Variants in USP53 observed in about 807,000 individuals in gnomAD.
The protein encoded by USP53 is ubiquitin carboxyl-terminal hydrolase 53.
USP53 carries 71 observed loss-of-function variants against 94.9 expected under a neutral mutation model. The ratio of observed to expected loss-of-function variants is 0.75; its 90% CI spans 0.62 to 0.91. The LOEUF is 0.91. Among genes scored for constraint, USP53 ranks in the 40% least tolerant of loss-of-function variants. The pLI, the probability that USP53 is intolerant of heterozygous loss-of-function variation, is 0.00. For synonymous variants in USP53, 375 were observed against 422.7 expected, an observed-to-expected ratio of 0.89 and a Z score of 1.39; for missense variants, 1,173 against 1,281.0, an observed-to-expected ratio of 0.92 and a Z score of 1.29.
At chr4:119,219,103 C>CA (rs1744175967) in intron 3 of USP53, 1 of 151,964 alleles carries the variant, frequency 6.6e-6, no homozygotes, top group Admixed American at 6.6e-5. Context: ...GTTTGATAAT[C>CA]AAAAAAATCC....
At chr4:119,253,445 T>C (rs866193852) in intron 7 of USP53, among the ~76,000 whole-genome samples, 5 of 152,236 alleles carry the variant, frequency 3.3e-5, no homozygotes, top group Middle Eastern at 3.2e-3. Context: ...CTCTTCTTAT[T>C]GAATTGATCC....
chr4:119,283,569 A>G (rs536265904), intron 17 of USP53, among the ~76,000 whole-genome samples: 18 of 151,920 alleles, frequency 1.2e-4, no homozygotes, highest in Non-Finnish European at 2.2e-4. Flanking sequence ...AGTTGGGGGC[A>G]GTACCAATGT....
chr4:119,238,626 A>G (rs1032951260), intron 4 of USP53, among the ~76,000 whole-genome samples: 1 of 152,212 alleles, frequency 6.6e-6, no homozygotes, highest in Non-Finnish European at 1.5e-5. Flanking sequence ...GTTGACACAC[A>G]CCTTCAGTTT....
chr4:119,252,065 G>A (rs894612519), intron 7 of USP53, among the ~76,000 whole-genome samples: 3 of 152,170 alleles, frequency 2.0e-5, no homozygotes, highest in African/African-American at 7.2e-5. Context: ...AACCAGCCTT[G>A]CATCAGAGGG....
chr4:119,215,829 TAAAC>T (rs1450139309), intron 2 of USP53, among the ~76,000 whole-genome samples: 1 of 152,206 alleles, frequency 6.6e-6, no homozygotes, highest in African/African-American at 2.4e-5. Context: ...TTCTGCAAAA[TAAAC>T]CTTATTCCAA....
rs141864107 is a variant in USP53 at position 119,216,661 on chromosome 4, A to G, written c.-788-889A>G. The stretch of plus-strand genomic sequence containing the variant: ...ATAAATTAGGTTTTTCATATGCTAG[A>G]TATTCTTAAACTAGGATAGCTCCGT... On this transcript the variant is annotated intron_variant, in intron 2 of 18. Transcript: ENST00000692078. 1.8e-3 allele frequency among the ~76,000 whole-genome samples: 274 copies of G among 152,330 alleles called. 2 individuals are homozygous for G. Among genetic ancestry groups the G allele is most frequent in the East Asian group, 7.3e-3 (38 of 5,192 alleles).
At chr4:119,242,040 C>T (rs1287583808) in intron 5 of USP53, among the ~76,000 whole-genome samples, 1 of 152,164 alleles carries the variant, frequency 6.6e-6, no homozygotes, top group Non-Finnish European at 1.5e-5. Context: ...TTGTAGTTTT[C>T]ACTTTGAGAA....
At position 119,256,466 on chromosome 4, in the gene USP53, C is replaced by T. The variant is rs545426500; in HGVS notation, c.512C>T (p.Ser171Leu). The change falls in exon 9 of 19, where the codon TCG (serine) becomes TTG (leucine). Residue 171 changes from serine (S) to leucine (L), a missense_variant. Coordinates refer to ENST00000692078, the MANE Select transcript of USP53 (RefSeq NM_001371395.1). ...TGTGTGTGTCGTAGCTGTGGAGCAT[C>T]GTCAGATCCTCTACCTTTTACAGAA... ...EQCVCRSCGA[S>L]SDPLPFTEFV... 18 of 1,614,060 alleles carry T rather than the reference C, an allele frequency of 1.1e-5. No homozygotes were observed. The highest frequency in any genetic ancestry group is 2.2e-5 in the South Asian group (2 of 91,078).
intron 17 of USP53, among the ~76,000 whole-genome samples, chr4:119,276,423 C>T (rs930012841): frequency 6.6e-6 from 1 of 151,048 alleles, no homozygotes; most frequent in African/African-American, 2.4e-5. Context: ...GTGTATTGAA[C>T]CAGCCTTGCA....
At chr4:119,260,936 G>A (rs1228218713) in intron 11 of USP53, among the ~76,000 whole-genome samples, 1 of 141,492 alleles carries the variant, frequency 7.1e-6, no homozygotes, top group Non-Finnish European at 1.5e-5. Flanking sequence ...TTCATCTAAA[G>A]CACTGATCTC....
chr4:119,281,127 A>C (rs1561339726), intron 17 of USP53, among the ~76,000 whole-genome samples: 1 of 152,216 alleles, frequency 6.6e-6, no homozygotes, highest in Non-Finnish European at 1.5e-5. Context: ...ATTATAGGCG[A>C]TTTGTTAGCA....
At chr4:119,291,853 T>C (rs577543397) in intron 18 of USP53, among the ~76,000 whole-genome samples, 2 of 152,054 alleles carry the variant, frequency 1.3e-5, no homozygotes, top group African/African-American at 2.4e-5. Flanking sequence ...CCCTCAAATA[T>C]AATATAAATA....
At chr4:119,290,872 G>T (rs1754675484) in intron 17 of USP53, among the ~76,000 whole-genome samples, 1 of 152,082 alleles carries the variant, frequency 6.6e-6, no homozygotes, top group South Asian at 2.1e-4. Flanking sequence ...CTTGTCTTAA[G>T]TAACAGGGAA....
chr4:119,269,102 CT>C (rs2149411236), intron 14 of USP53, among the ~76,000 whole-genome samples: 1 of 152,234 alleles, frequency 6.6e-6, no homozygotes, highest in South Asian at 2.1e-4. Flanking sequence ...AAAATAAAGG[CT>C]TTTTAAAAAT....
intron 3 of USP53, among the ~76,000 whole-genome samples, chr4:119,224,953 C>T (rs568932160): frequency 6.6e-6 from 1 of 151,930 alleles, no homozygotes; most frequent in East Asian, 1.9e-4. Context: ...TAATAGAGTT[C>T]TGGAAACCAA....
chr4:119,280,231 T>G (rs575922213), intron 17 of USP53, among the ~76,000 whole-genome samples: 1 of 152,276 alleles, frequency 6.6e-6, no homozygotes, highest in African/African-American at 2.4e-5. Flanking sequence ...TCAATGTTTT[T>G]TTTTTTTTGG....
Position 119,292,727 on chromosome 4 carries a change from C to CA in USP53, c.2742dup (p.Leu915ThrfsTer31), listed in dbSNP as rs745830400. 6.2e-7 allele frequency: 1 copy of CA among 1,613,938 alleles called. No homozygotes were observed. The highest frequency in any genetic ancestry group is 1.1e-5 in the South Asian group (1 of 91,058). ...AGCAGATCTGATGGGTGTCAGATGC[C>CA]AAAACTTTTTTGCCAGAATCTACCA... On this transcript the variant is annotated frameshift_variant, in exon 19 of 19. Coordinates refer to ENST00000692078, the MANE Select transcript of USP53 (RefSeq NM_001371395.1). LOFTEE classifies it low-confidence loss of function (END_TRUNC).
intron 13 of USP53, among the ~76,000 whole-genome samples, chr4:119,267,756 A>C (rs529744781): frequency 6.6e-6 from 1 of 152,324 alleles, no homozygotes; most frequent in African/African-American, 2.4e-5. Flanking sequence ...ATTTTAAGTG[A>C]TTTAGTAAAC....
chr4:119,261,000 C>T (rs1036937024), intron 11 of USP53, among the ~76,000 whole-genome samples: 16 of 133,700 alleles, frequency 1.2e-4, no homozygotes, highest in Middle Eastern at 5.1e-3. Flanking sequence ...TGCTCTGTCA[C>T]TCAGGCTGCA....
Sources: gnomAD v4.1 joint callset for allele counts (sites outside exome capture counted in the v4.1 genomes callset) on GRCh38, gnomAD v4.1.1 for gene constraint, MANE v1.5 for transcripts, NCBI Gene and HGNC (gene_info 2026-07-23, HGNC 2026-07-21) for gene names.